HERC2: variants seen among roughly 807,000 people sequenced by gnomAD.
HERC2 encodes HECT and RLD domain containing E3 ubiquitin protein ligase 2.
HERC2 carries 102 observed loss-of-function variants against 537.7 expected under a neutral mutation model. The observed-to-expected ratio is 0.19, with a 90% CI of 0.16 to 0.22. The LOEUF (loss-of-function observed/expected upper bound fraction) is 0.22. Ranked by LOEUF, HERC2 falls within the 10% of genes least tolerant of loss-of-function variation. The pLI is 1.00. For synonymous variants in HERC2, 2,224 were observed against 2,466.2 expected (o/e 0.90, Z 2.91); for missense variants, 4,236 against 6,198.2 (o/e 0.68, Z 10.63).
chr15:28,305,370 G>A (rs1257638916), intron 2 of HERC2, among the ~76,000 whole-genome samples: 6 of 151,332 alleles, frequency 4.0e-5, no homozygotes, highest in African/African-American at 9.7e-5. Context: ...CAGAAATAAC[G>A]CCGCATACCT....
At chr15:28,278,269 G>A (rs2075929851) in intron 5 of HERC2, among the ~76,000 whole-genome samples, 1 of 152,020 alleles carries the variant, frequency 6.6e-6, no homozygotes, top group Non-Finnish European at 1.5e-5. Flanking sequence ...TGCAGTCCCA[G>A]CTACTTGGGA....
Position 28,220,703 on chromosome 15 carries a change from A to G in HERC2, c.5653-59T>C, listed in dbSNP as rs111246683. The G allele has an allele frequency of 7.7e-6, 11 of 1,424,490 alleles. No homozygotes were observed. In the African/African-American group the frequency reaches 8.4e-5, roughly 11 times the overall value. The allele number at this position is 1,424,490 out of a possible 1,614,324, so 88.2% of individuals were successfully genotyped here. On this transcript the variant is annotated intron_variant, in intron 36 of 92. Coordinates refer to ENST00000261609, the MANE Select transcript of HERC2 (RefSeq NM_004667.6). The stretch of plus-strand genomic sequence containing the variant: ...GTGCGTAACCTGCCCTGGTCCTTCC[A>G]TGGCTCCCAGCAGACCTCAGTTAGG...
chr15:28,141,939 A>T, intron 76 of HERC2, 93 bp from the exon 77 acceptor site: 5 of 1,004,158 alleles, frequency 5.0e-6, no homozygotes, highest in Non-Finnish European at 4.6e-6. Context: ...CCCTGCCTAA[A>T]AATATGAGGG....
Position 28,117,239 on chromosome 15 carries a change from C to A in HERC2, c.13273-85G>T, listed in dbSNP as rs58656163. Reference sequence around the variant, plus strand: ...GGGATATGCGGCACTGGCGAATGCACGAGGAGGAGGCACCGTGCATGGGCC... The same window carrying A: ...GGGATATGCGGCACTGGCGAATGCAAGAGGAGGAGGCACCGTGCATGGGCC... On this transcript the variant is annotated intron_variant, in intron 86 of 92. Transcript: ENST00000261609. 3.0e-3 allele frequency: 4,044 copies of A among 1,357,064 alleles called. 87 individuals are homozygous for A. The African/African-American group carries it at 0.051, about 17-fold the overall frequency. The allele number at this position is 1,357,064 out of a possible 1,614,324, so 84.1% of individuals were successfully genotyped here. A position where few individuals can be genotyped will look rare whatever the true frequency, so the allele number is the denominator to read the frequency against.
rs914476208 is a variant in HERC2 at position 28,206,903 on chromosome 15, C to T, written c.7070-521G>A. 4.0e-5 allele frequency among the ~76,000 whole-genome samples: 6 copies of T among 149,674 alleles called. 1 individual carries two copies. The South Asian group carries it at 1.3e-3, about 32-fold the overall frequency. Reference sequence around the variant, plus strand: ...GTGCGTGCCTGTAATCCCAGCTACTCGCAAGGCTGAGGCAGGAGAATTGCT... The same window carrying T: ...GTGCGTGCCTGTAATCCCAGCTACTTGCAAGGCTGAGGCAGGAGAATTGCT... On this transcript the variant is annotated intron_variant, in intron 44 of 92. Coordinates refer to ENST00000261609, the MANE Select transcript of HERC2 (RefSeq NM_004667.6).
At chr15:28,211,822 G>C (rs748516740) in intron 43 of HERC2, among the ~76,000 whole-genome samples, 9 of 152,226 alleles carry the variant, frequency 5.9e-5, no homozygotes, top group Non-Finnish European at 5.9e-5. Context: ...AGCAGCAATC[G>C]TAGGTCTGTG....
chr15:28,257,326 G>A, intron 16 of HERC2, 65 bp from the exon 17 acceptor site: 4 of 1,385,764 alleles, frequency 2.9e-6, no homozygotes, highest in Non-Finnish European at 4.0e-6. Context: ...CTCCACAGGA[G>A]TCACCAGCGT....
Position 28,168,608 on chromosome 15 carries a change from C to G in HERC2, c.10230-18G>C. The G allele has an allele frequency of 6.2e-7, 1 of 1,609,924 alleles. No homozygotes were observed. The highest frequency in any genetic ancestry group is 1.3e-5 in the African/African-American group (1 of 74,980). ...CAGCATCTCTGTCAGGACACAAAGC[C>G]AGGCCTGTGGTGAGCTGCCCCTTCT... On this transcript the variant is annotated intron_variant, in intron 66 of 92. Transcript: ENST00000261609.
In HERC2 at chr15:28,314,865, A is replaced by G. The variant is rs1265330892; in HGVS notation, c.72+6497T>C. Among the ~76,000 whole-genome samples, 16 of 17,822 alleles carry G rather than the reference A, an allele frequency of 9.0e-4. No homozygotes were observed. The South Asian group carries it at 0.013, about 15-fold the overall frequency. 11.7% of individuals were successfully genotyped at this position (17,822 alleles called of 152,430 possible). On this transcript the variant is annotated intron_variant, in intron 2 of 92. Coordinates refer to ENST00000261609, the MANE Select transcript of HERC2 (RefSeq NM_004667.6). ...AACAGAGCAAGACTCCCTCTCAGGAAAAAAAAAAAAAAAATCATATGTCAA... is the reference window on the plus strand; with the variant it reads ...AACAGAGCAAGACTCCCTCTCAGGAGAAAAAAAAAAAAAATCATATGTCAA...
At chr15:28,284,323 A>C (rs1379184842) in intron 4 of HERC2, among the ~76,000 whole-genome samples, 1 of 152,220 alleles carries the variant, frequency 6.6e-6, no homozygotes, top group Non-Finnish European at 1.5e-5. Context: ...GCCAGGAAGA[A>C]CCAAACCGAA....
chr15:28,303,414 A>C (rs1345292980), intron 2 of HERC2, among the ~76,000 whole-genome samples: 3 of 151,960 alleles, frequency 2.0e-5, no homozygotes, highest in Admixed American at 6.6e-5. Flanking sequence ...CTTTCTAGTA[A>C]ACTTTGCACT....
At chr15:28,304,119 T>C (rs922103201) in intron 2 of HERC2, among the ~76,000 whole-genome samples, 20 of 130,060 alleles carry the variant, frequency 1.5e-4, no homozygotes, top group Admixed American at 7.0e-4. Context: ...TGAGCCGAGA[T>C]TGCGCCATTG....
At chr15:28,217,728 G>T (rs1271794977) in intron 38 of HERC2, among the ~76,000 whole-genome samples, 1 of 152,206 alleles carries the variant, frequency 6.6e-6, no homozygotes, top group Non-Finnish European at 1.5e-5. Flanking sequence ...TTGGATTAGA[G>T]TCAAAGAAAC....
intron 16 of HERC2, among the ~76,000 whole-genome samples, chr15:28,259,969 CAAAA>C (rs35995546): frequency 7.4e-5 from 5 of 67,560 alleles, no homozygotes; most frequent in Admixed American, 1.7e-4. Context: ...CTCCATCTGG[CAAAA>C]AAAAAAAAAA....
At chr15:28,117,285 C>G in intron 86 of HERC2, 131 bp from the exon 87 acceptor site, 1 of 921,284 alleles carries the variant, frequency 1.1e-6, no homozygotes, top group Non-Finnish European at 1.7e-6. Flanking sequence ...CACACACCTG[C>G]TTGTGTGGAC....
At chr15:28,206,682 C>A (rs1409009995) in intron 44 of HERC2, among the ~76,000 whole-genome samples, 1,547 of 150,690 alleles carry the variant, frequency 0.01, 33 homozygotes, top group African/African-American at 0.036. Context: ...AAATACAAAA[C>A]ATTAGCTGGG....
chr15:28,216,311 A>G (rs1248718883), intron 38 of HERC2, among the ~76,000 whole-genome samples: 1 of 144,720 alleles, frequency 6.9e-6, no homozygotes, highest in Non-Finnish European at 1.5e-5. Flanking sequence ...CACCACTTAA[A>G]TATTTTTTTT....
Position 28,212,376 on chromosome 15 carries a change from A to G in HERC2, c.6925+69T>C, listed in dbSNP as rs1222302393. The G allele has an allele frequency of 5.0e-6, 6 of 1,196,326 alleles. No homozygotes were observed. The African/African-American group carries it at 7.6e-5, about 15-fold the overall frequency. 74.1% of individuals were successfully genotyped at this position (1,196,326 alleles called of 1,614,324 possible). ...TAGTACGTCCGTGAATTCACTCATA[A>G]AAGAACACTGTACAAACGACACGAG... On this transcript the variant is annotated intron_variant, in intron 43 of 92. Coordinates refer to ENST00000261609, the MANE Select transcript of HERC2 (RefSeq NM_004667.6).
intron 2 of HERC2, among the ~76,000 whole-genome samples, chr15:28,312,046 TG>T (rs1452684945): frequency 1.3e-5 from 2 of 152,250 alleles, no homozygotes; most frequent in African/African-American, 4.8e-5. Flanking sequence ...AATTCTTTTT[TG>T]GAAGGTAGAC....
Sources: allele counts gnomAD v4.1 joint callset (sites outside exome capture counted in the v4.1 genomes callset), GRCh38; gene constraint gnomAD v4.1.1; transcripts MANE v1.5; gene names NCBI Gene and HGNC (gene_info 2026-07-23, HGNC 2026-07-21).